Variants in BLNK observed in about 807,000 individuals in gnomAD.
BLNK encodes the protein B-cell linker protein.
Under a neutral mutation model 73.5 loss-of-function variants are expected in BLNK, and 29 were observed. The ratio of observed to expected loss-of-function variants is 0.39; its 90% CI spans 0.29 to 0.54. The LOEUF is 0.54. BLNK is among the 20% of genes least tolerant of loss of function. The pLI, the probability that BLNK is intolerant of heterozygous loss-of-function variation, is 0.61. For synonymous variants in BLNK, 176 were observed against 200.8 expected (o/e 0.88, Z 1.04); for missense variants, 460 against 562.8 (o/e 0.82, Z 1.85).
chr10:96,225,377 C>T (rs2134024759), intron 5 of BLNK, among the ~76,000 whole-genome samples: 1 of 152,280 alleles, frequency 6.6e-6, no homozygotes, highest in Non-Finnish European at 1.5e-5. Flanking sequence ...CCTCTATGCT[C>T]CTGGTGCCTG....
intron 1 of BLNK, among the ~76,000 whole-genome samples, chr10:96,250,467 T>C (rs1315238618): frequency 3.7e-5 from 5 of 136,344 alleles, no homozygotes; most frequent in African/African-American, 1.1e-4. Flanking sequence ...AGAGAGAGGT[T>C]GAAGTGGATT....
intron 8 of BLNK, among the ~76,000 whole-genome samples, chr10:96,211,681 C>A (rs1050682888): frequency 6.6e-6 from 1 of 152,208 alleles, no homozygotes; most frequent in Non-Finnish European, 1.5e-5. Flanking sequence ...TCCACGGTAC[C>A]TGAACTGGGT....
At chr10:96,227,021 C>T (rs78484243) in intron 5 of BLNK, among the ~76,000 whole-genome samples, 1,988 of 152,264 alleles carry the variant, frequency 0.013, 41 homozygotes, top group African/African-American at 0.045. Flanking sequence ...TTTGTACAGA[C>T]TTCTTAAGAG....
At chr10:96,230,388 T>G (rs1319512251) in intron 4 of BLNK, among the ~76,000 whole-genome samples, 1 of 152,196 alleles carries the variant, frequency 6.6e-6, no homozygotes, top group Non-Finnish European at 1.5e-5. Flanking sequence ...ACACTTATTC[T>G]TTAGTTGTTG....
intron 6 of BLNK, among the ~76,000 whole-genome samples, chr10:96,217,461 TCAC>T (rs1220422427): frequency 6.6e-6 from 1 of 152,220 alleles, no homozygotes; most frequent in Non-Finnish European, 1.5e-5. Flanking sequence ...TTTCATATCC[TCAC>T]CAACACTTGT....
chr10:96,258,284 A>G (rs1554911770), intron 1 of BLNK, among the ~76,000 whole-genome samples: 1 of 152,208 alleles, frequency 6.6e-6, no homozygotes. Context: ...AAGCCCCTCA[A>G]GGTCGAGTTA....
chr10:96,238,195 T>C (rs1228824055), intron 3 of BLNK, among the ~76,000 whole-genome samples: 2 of 152,226 alleles, frequency 1.3e-5, no homozygotes, highest in Non-Finnish European at 2.9e-5. Context: ...ATTCTTTGTG[T>C]AATTCAAGCT....
intron 16 of BLNK, among the ~76,000 whole-genome samples, chr10:96,192,314 T>C (rs1332150465): frequency 2.0e-5 from 3 of 150,304 alleles, no homozygotes; most frequent in Non-Finnish European, 4.4e-5. Flanking sequence ...CAGCCTCAAT[T>C]AGCATAGCTA....
intron 13 of BLNK, among the ~76,000 whole-genome samples, chr10:96,202,275 G>T (rs1554896415): frequency 6.6e-6 from 1 of 152,164 alleles, no homozygotes; most frequent in African/African-American, 2.4e-5. Flanking sequence ...TTTTAACAGG[G>T]TCATTCCAGC....
At chr10:96,249,796 A>G (rs1843204795) in intron 1 of BLNK, among the ~76,000 whole-genome samples, 1 of 152,216 alleles carries the variant, frequency 6.6e-6, no homozygotes. Context: ...TTTCAACCAC[A>G]TAATCCCTCT....
intron 9 of BLNK, 59 bp downstream of exon 9, chr10:96,209,779 G>C (rs1554898274): frequency 6.3e-7 from 1 of 1,582,464 alleles, no homozygotes; most frequent in African/African-American, 1.3e-5. Flanking sequence ...CAGGGCAGTG[G>C]GGTATCACCA....
chr10:96,247,351 C>T (rs550707557), intron 1 of BLNK, among the ~76,000 whole-genome samples: 1 of 152,300 alleles, frequency 6.6e-6, no homozygotes, highest in Non-Finnish European at 1.5e-5. Context: ...AGAGCATCTA[C>T]GTTACGAAGA....
rs782031071 is a variant in BLNK, at chr10:96,191,334, T to A, written c.*639A>T. On this transcript the variant is annotated 3_prime_UTR_variant, in exon 17 of 17. Coordinates refer to ENST00000224337, the MANE Select transcript of BLNK (RefSeq NM_013314.4). ...ATACAAACCTCATATCAAGTTTAGG[T>A]TCTATTTGATAGACATGTAGATCAA... Among the ~76,000 whole-genome samples the A allele has an allele frequency of 2.4e-4, 37 of 151,584 alleles. No homozygotes were observed. Among genetic ancestry groups the A allele is most frequent in the Non-Finnish European group, 4.9e-4 (33 of 67,954 alleles).
rs782077147 is a variant in BLNK, at chr10:96,216,640, G to A, written c.607+13C>T. 1.9e-5 allele frequency: 30 copies of A among 1,613,290 alleles called. No individual in the cohort carries two copies. Among genetic ancestry groups the A allele is most frequent in the East Asian group, 1.3e-4 (6 of 44,894 alleles). On this transcript the variant is annotated intron_variant, in intron 7 of 16. Coordinates refer to ENST00000224337, the MANE Select transcript of BLNK (RefSeq NM_013314.4). ...CTAAAAATTTTCAGGTGCTTAAGGC[G>A]ACAAACTCTTACCTTTTTCAGGTGG...
chr10:96,216,119 G>T (rs1591316916), intron 7 of BLNK: 1 of 176,468 alleles, frequency 5.7e-6, no homozygotes, highest in East Asian at 1.4e-4. Context: ...CTGTTTCCAT[G>T]CCTAATCTTA....
At chr10:96,243,965 G>A (rs773186821) in intron 2 of BLNK, among the ~76,000 whole-genome samples, 40 of 151,466 alleles carry the variant, frequency 2.6e-4, no homozygotes, top group Non-Finnish European at 2.9e-4. Context: ...CAGTATAACT[G>A]CTATTATATA....
Position 96,204,445 on chromosome 10 carries a change from G to A in BLNK, c.902+87C>T, listed in dbSNP as rs1256485977. 8.7e-6 allele frequency: 12 copies of A among 1,378,346 alleles called. No individual in the cohort carries two copies. The Admixed American group carries it at 1.8e-4, about 21-fold the overall frequency. 85.4% of individuals were successfully genotyped at this position (1,378,346 alleles called of 1,614,324 possible). ...GTTGGATTTTTACCTAGCACTGCAA[G>A]TCAGTGTCACTGTGCAGTGAAACAA... On this transcript the variant is annotated intron_variant, in intron 12 of 16. Coordinates refer to ENST00000224337, the MANE Select transcript of BLNK (RefSeq NM_013314.4).
At chr10:96,248,880 T>A (rs183829119) in intron 1 of BLNK, among the ~76,000 whole-genome samples, 141 of 152,390 alleles carry the variant, frequency 9.3e-4, no homozygotes, top group African/African-American at 3.1e-3. Flanking sequence ...TATGATGTTT[T>A]AAAATATTTG....
At chr10:96,246,960 G>T in intron 2 of BLNK, 24 bp downstream of exon 2, 1 of 1,506,724 alleles carries the variant, frequency 6.6e-7, no homozygotes, top group Non-Finnish European at 9.2e-7. Context: ...ATATAATTAA[G>T]TATTTAAATA....
Sources: gnomAD v4.1 joint callset for allele counts (sites outside exome capture counted in the v4.1 genomes callset) on GRCh38, gnomAD v4.1.1 for gene constraint, MANE v1.5 for transcripts, NCBI Gene and HGNC (gene_info 2026-07-23, HGNC 2026-07-21) for gene names.